Variants in EYS observed in about 807,000 individuals in gnomAD.
EYS encodes the protein protein eyes shut homolog.
EYS carries 250 observed loss-of-function variants against 282.1 expected under a neutral mutation model. The observed-to-expected ratio is 0.89, with a 90% CI of 0.80 to 0.98. The LOEUF (loss-of-function observed/expected upper bound fraction) is 0.98, where lower values mean the gene tolerates loss of function less well. EYS is among the 50% of genes least tolerant of loss of function. The pLI is 0.00. For synonymous variants in EYS, 1,355 were observed against 1,282.9 expected (o/e 1.06, Z -1.20); for missense variants, 4,016 against 3,709.0 (o/e 1.08, Z -2.15).
chr6:64,910,246 A>G (rs1767951071), intron 16 of EYS, among the ~76,000 whole-genome samples: 1 of 152,182 alleles, frequency 6.6e-6, no homozygotes, highest in Non-Finnish European at 1.5e-5. Flanking sequence ...TTTAAAAACA[A>G]TATACTGGCT....
At position 64,834,841 on chromosome 6, in the gene EYS, T is replaced by G. The variant is rs536538000; in HGVS notation, c.2993-12019A>C. Among the ~76,000 whole-genome samples, 7 of 151,940 alleles carry G rather than the reference T, an allele frequency of 4.6e-5. No homozygotes were observed. In the South Asian group the frequency reaches 1.0e-3, roughly 22 times the overall value. ...AACAAACACAATTCTTAGTTGTTAATTTGATTTATGCATAAACCAACCTGT... is the reference window on the plus strand; with the variant it reads ...AACAAACACAATTCTTAGTTGTTAAGTTGATTTATGCATAAACCAACCTGT... On this transcript the variant is annotated intron_variant, in intron 19 of 42. Coordinates refer to ENST00000503581, the MANE Select transcript of EYS (RefSeq NM_001142800.2).
intron 41 of EYS, among the ~76,000 whole-genome samples, chr6:63,737,325 T>C (rs1768943354): frequency 6.6e-6 from 1 of 152,174 alleles, no homozygotes; most frequent in South Asian, 2.1e-4. Context: ...CAAAGGCCTT[T>C]TCTGCATCTA....
intron 8 of EYS, among the ~76,000 whole-genome samples, chr6:65,377,855 G>A (rs987981129): frequency 2.6e-5 from 4 of 152,108 alleles, no homozygotes; most frequent in East Asian, 3.9e-4. Flanking sequence ...ACTAAACCAC[G>A]AAGAAGTCAA....
chr6:64,864,285 T>C lies in EYS; in HGVS notation c.2992+22412A>G, dbSNP rs1222439542. Among the ~76,000 whole-genome samples the C allele has an allele frequency of 3.3e-5, 5 of 151,698 alleles. No homozygotes were observed. In the South Asian group the frequency reaches 1.0e-3, roughly 32 times the overall value. On this transcript the variant is annotated intron_variant, in intron 19 of 42. Transcript: ENST00000503581. ...TGGCTAAATTATATTTTTAGATTTA[T>C]ATTAAAAGAGAGTTTCATAGGCCAA...
intron 26 of EYS, among the ~76,000 whole-genome samples, chr6:64,544,097 T>C (rs1764772624): frequency 6.6e-6 from 1 of 152,186 alleles, no homozygotes; most frequent in South Asian, 2.1e-4. Flanking sequence ...CACTTAACAG[T>C]TTGAGTTGTT....
chr6:63,883,902 T>C (rs1773196066), intron 35 of EYS, among the ~76,000 whole-genome samples: 1 of 152,228 alleles, frequency 6.6e-6, no homozygotes, highest in African/African-American at 2.4e-5. Flanking sequence ...GCCTTTCCTC[T>C]AATCCAGTGT....
chr6:64,073,765 T>C (rs1356423142), intron 32 of EYS, among the ~76,000 whole-genome samples: 1 of 151,354 alleles, frequency 6.6e-6, no homozygotes, highest in Admixed American at 6.6e-5. Context: ...TATATATATG[T>C]GTGTGTGTGT....
Position 65,495,208 on chromosome 6 carries a change from G to A in EYS, c.203C>T (p.Thr68Ile), listed in dbSNP as rs1306005706. 5 of 1,614,144 alleles carry A rather than the reference G, an allele frequency of 3.1e-6. No homozygotes were observed. In the South Asian group the frequency reaches 5.5e-5, roughly 18 times the overall value. Residue 68 changes from threonine (T) to isoleucine (I), a missense_variant, in exon 4 of 43, where the codon ACT (threonine) becomes ATT (isoleucine). Thr to Ile is a moderately conservative substitution (Grantham distance 89, BLOSUM62 -1). Coordinates refer to ENST00000503581, the MANE Select transcript of EYS (RefSeq NM_001142800.2). ...CTGGGGAACAGCTTGATTGCCTGAA[G>A]TATCTATTTTAGTGTTTACACCCAA... ...WFLGVNTKIDTSGNQAVPQIC... is the reference protein window; with the variant it reads ...WFLGVNTKIDISGNQAVPQIC...
chr6:65,637,875 C>A (rs1221965300), intron 2 of EYS, among the ~76,000 whole-genome samples: 1 of 152,086 alleles, frequency 6.6e-6, no homozygotes, highest in Admixed American at 6.5e-5. Flanking sequence ...TCAACACAAA[C>A]AGCCTGGGCA....
chr6:65,276,303 A>G (rs1364519790), intron 12 of EYS, among the ~76,000 whole-genome samples: 1 of 152,126 alleles, frequency 6.6e-6, no homozygotes, highest in Non-Finnish European at 1.5e-5. Context: ...AAGTAGCACC[A>G]TTATTCCTAG....
chr6:65,511,420 C>A (rs1047658868), intron 2 of EYS, among the ~76,000 whole-genome samples: 4 of 151,592 alleles, frequency 2.6e-5, no homozygotes, highest in Non-Finnish European at 5.9e-5. Flanking sequence ...ACTCACCTAT[C>A]TAGGACCTAA....
intron 14 of EYS, among the ~76,000 whole-genome samples, chr6:64,997,062 C>A (rs1012760859): frequency 6.6e-6 from 1 of 152,028 alleles, no homozygotes; most frequent in Non-Finnish European, 1.5e-5. Context: ...TGTCACAGAT[C>A]ATTTAAGGCA....
chr6:64,822,221 T>C (rs1365777957), intron 20 of EYS, among the ~76,000 whole-genome samples: 1 of 152,024 alleles, frequency 6.6e-6, no homozygotes, highest in East Asian at 1.9e-4. Flanking sequence ...GAGCAGTTAT[T>C]ATACAGATTC....
intron 22 of EYS, among the ~76,000 whole-genome samples, chr6:64,758,424 A>G (rs1773047396): frequency 1.3e-5 from 2 of 152,116 alleles, no homozygotes; most frequent in South Asian, 2.1e-4. Flanking sequence ...ATAGCCTGGA[A>G]CTTGGGTGTT....
intron 31 of EYS, among the ~76,000 whole-genome samples, chr6:64,111,971 A>G (rs190060820): frequency 6.6e-6 from 1 of 152,152 alleles, no homozygotes; most frequent in East Asian, 1.9e-4. Flanking sequence ...AAGGACAGAT[A>G]TTTATCCCTA....
chr6:64,495,524 A>G (rs1776864170), intron 26 of EYS, among the ~76,000 whole-genome samples: 1 of 151,802 alleles, frequency 6.6e-6, no homozygotes, highest in Admixed American at 6.6e-5. Flanking sequence ...AGTGAGACCA[A>G]TAGAAAAAAA....
intron 8 of EYS, among the ~76,000 whole-genome samples, chr6:65,357,676 A>T (rs746864609): frequency 8.6e-5 from 13 of 151,998 alleles, no homozygotes; most frequent in Non-Finnish European, 1.5e-4. Flanking sequence ...TATTTATTAT[A>T]TAGACCAGGA....
intron 31 of EYS, among the ~76,000 whole-genome samples, chr6:64,123,757 G>A (rs936674966): frequency 2.0e-5 from 3 of 152,106 alleles, no homozygotes; most frequent in Non-Finnish European, 2.9e-5. Context: ...AACAAACAAC[G>A]AGATATAAAT....
chr6:63,920,041 G>GTCTATCTACCTATCA (rs1764527004), intron 35 of EYS, among the ~76,000 whole-genome samples: 1 of 152,110 alleles, frequency 6.6e-6, no homozygotes, highest in Non-Finnish European at 1.5e-5. Flanking sequence ...TTTGAAGAAA[G>GTCTATCTACCTATCA]TCTATCTACC....
Sources: allele counts gnomAD v4.1 joint callset (sites outside exome capture counted in the v4.1 genomes callset), GRCh38; gene constraint gnomAD v4.1.1; transcripts MANE v1.5; gene names NCBI Gene and HGNC (gene_info 2026-07-23, HGNC 2026-07-21).